The following SCFD2 variants were observed in gnomAD, a reference collection of about 807,000 sequenced individuals.
The protein encoded by SCFD2 is sec1 family domain-containing protein 2.
SCFD2 carries 54 observed loss-of-function variants against 58.9 expected under a neutral mutation model. The observed-to-expected ratio is 0.92, with a 90% confidence interval of 0.74 to 1.15. The LOEUF is 1.15. Ranked by LOEUF, SCFD2 falls within the 50% of genes most tolerant of loss-of-function variation. SCFD2 has a pLI of 0.00. For missense variants in SCFD2, 805 were observed against 836.6 expected (o/e 0.96, Z 0.47); for synonymous variants, 321 against 335.9 (o/e 0.96, Z 0.49).
intron 3 of SCFD2, among the ~76,000 whole-genome samples, chr4:53,296,710 G>T (rs756776338): frequency 5.3e-5 from 8 of 151,980 alleles, no homozygotes; most frequent in Non-Finnish European, 7.4e-5. Flanking sequence ...TGCTTCCCTA[G>T]TTCTTTTCAA....
At chr4:53,127,889 T>A (rs919925268) in intron 5 of SCFD2, among the ~76,000 whole-genome samples, 9 of 151,832 alleles carry the variant, frequency 5.9e-5, no homozygotes, top group Non-Finnish European at 1.3e-4. Context: ...AGCACACTAT[T>A]TGGTAACCAT....
At chr4:52,897,770 G>A (rs1425832137) in intron 7 of SCFD2, among the ~76,000 whole-genome samples, 5 of 152,312 alleles carry the variant, frequency 3.3e-5, no homozygotes, top group East Asian at 1.9e-4. Flanking sequence ...ATTCAACTGC[G>A]AATCCATCTG....
At chr4:53,325,837 C>T (rs1733175541) in intron 2 of SCFD2, among the ~76,000 whole-genome samples, 1 of 152,086 alleles carries the variant, frequency 6.6e-6, no homozygotes, top group African/African-American at 2.4e-5. Context: ...TTGTTTAAGC[C>T]ACTTTGTCCA....
chr4:53,335,510 A>G (rs1337474938), intron 2 of SCFD2, among the ~76,000 whole-genome samples: 1 of 152,166 alleles, frequency 6.6e-6, no homozygotes, highest in Admixed American at 6.5e-5. Flanking sequence ...TCTACAATAT[A>G]TATCTATACT....
At chr4:52,939,870 A>G (rs1294872873) in intron 5 of SCFD2, among the ~76,000 whole-genome samples, 3 of 152,184 alleles carry the variant, frequency 2.0e-5, no homozygotes, top group African/African-American at 7.2e-5. Context: ...CATATGTTTC[A>G]CCTTGGCACA....
chr4:53,060,785 T>C (rs1174024196), intron 5 of SCFD2, among the ~76,000 whole-genome samples: 19 of 152,160 alleles, frequency 1.2e-4, no homozygotes, highest in Non-Finnish European at 4.4e-5. Flanking sequence ...GTAATGAGTT[T>C]ATTATTTTCA....
chr4:52,897,478 G>C (rs1366114047), intron 7 of SCFD2, among the ~76,000 whole-genome samples: 1 of 152,156 alleles, frequency 6.6e-6, no homozygotes, highest in Non-Finnish European at 1.5e-5. Flanking sequence ...TTCATATGTT[G>C]AACCAGCCTT....
intron 6 of SCFD2, among the ~76,000 whole-genome samples, chr4:52,911,843 T>C (rs930764249): frequency 1.3e-5 from 2 of 152,224 alleles, no homozygotes; most frequent in Admixed American, 1.3e-4. Context: ...ACCACTTCTG[T>C]GCTTTGCCAG....
intron 5 of SCFD2, among the ~76,000 whole-genome samples, chr4:53,021,197 T>A (rs1281755869): frequency 2.0e-5 from 3 of 152,210 alleles, no homozygotes; most frequent in Non-Finnish European, 2.9e-5. Context: ...AGTTGCCACA[T>A]GTCTGAGGTC....
chr4:52,911,481 T>C (rs1036374771), intron 6 of SCFD2, among the ~76,000 whole-genome samples: 8 of 152,232 alleles, frequency 5.3e-5, no homozygotes, highest in Admixed American at 6.5e-5. Context: ...TGTTCTGTGC[T>C]ACACTGGGAA....
chr4:53,300,431 G>C (rs1437806935), intron 3 of SCFD2, among the ~76,000 whole-genome samples: 2 of 152,146 alleles, frequency 1.3e-5, no homozygotes, highest in East Asian at 3.8e-4. Context: ...CAATACAGGA[G>C]CACCCAGATT....
chr4:53,254,476 T>C (rs1323346441), intron 4 of SCFD2, among the ~76,000 whole-genome samples: 1 of 151,858 alleles, frequency 6.6e-6, no homozygotes, highest in Non-Finnish European at 1.5e-5. Context: ...TAAACCTTTT[T>C]TCTTTTTTTC....
At chr4:53,246,282 C>A (rs947903736) in intron 4 of SCFD2, among the ~76,000 whole-genome samples, 3 of 152,098 alleles carry the variant, frequency 2.0e-5, no homozygotes, top group African/African-American at 4.8e-5. Context: ...AAGCAATGTA[C>A]AGATTCAATG....
chr4:53,238,525 G>T (rs1463475008), intron 4 of SCFD2, among the ~76,000 whole-genome samples: 7 of 151,888 alleles, frequency 4.6e-5, no homozygotes, highest in Non-Finnish European at 1.0e-4. Flanking sequence ...CCTCCCGGAT[G>T]GGGTGGCTGC....
intron 5 of SCFD2, among the ~76,000 whole-genome samples, chr4:53,139,286 G>T (rs1362788960): frequency 1.3e-5 from 2 of 152,152 alleles, no homozygotes; most frequent in Non-Finnish European, 2.9e-5. Flanking sequence ...CTGCCCGGCC[G>T]CCACCCCGCC....
chr4:53,295,139 T>C (rs1169065398), intron 3 of SCFD2, among the ~76,000 whole-genome samples: 1 of 152,220 alleles, frequency 6.6e-6, no homozygotes, highest in African/African-American at 2.4e-5. Context: ...TTTGGTTCCA[T>C]ATAAAATTTA....
intron 5 of SCFD2, among the ~76,000 whole-genome samples, chr4:53,017,372 G>A (rs1203076474): frequency 6.6e-6 from 1 of 152,164 alleles, no homozygotes; most frequent in African/African-American, 2.4e-5. Context: ...AAAACTTACT[G>A]TGTGAAATAG....
chr4:53,330,125 TACCTGA>T (rs1733385441), intron 2 of SCFD2, among the ~76,000 whole-genome samples: 1 of 152,214 alleles, frequency 6.6e-6, no homozygotes, highest in Non-Finnish European at 1.5e-5. Flanking sequence ...CTGATTGCTG[TACCTGA>T]AAGTGATGGG....
At chr4:53,336,918 G>A (rs1372976000) in intron 2 of SCFD2, among the ~76,000 whole-genome samples, 25 of 151,904 alleles carry the variant, frequency 1.6e-4, no homozygotes, top group African/African-American at 5.1e-4. Context: ...TGTATTTGGA[G>A]GAAAAGAAAA....
Sources: gnomAD v4.1 joint callset for allele counts (sites outside exome capture counted in the v4.1 genomes callset) on GRCh38, gnomAD v4.1.1 for gene constraint, MANE v1.5 for transcripts, NCBI Gene and HGNC (gene_info 2026-07-23, HGNC 2026-07-21) for gene names.